Variants in AGBL4 observed in about 807,000 individuals in gnomAD.
AGBL4 encodes AGBL carboxypeptidase 4.
In AGBL4, 58 loss-of-function variants were observed where a neutral mutation model predicts 66.4. That is an observed-to-expected ratio of 0.87 (90% CI 0.71 to 1.09). The LOEUF (loss-of-function observed/expected upper bound fraction) is 1.09. Ranked by LOEUF, AGBL4 falls within the 50% of genes least tolerant of loss-of-function variation. The probability of loss-of-function intolerance (pLI) is 0.00; values close to 1 mark genes in which losing one functional copy is unlikely to be tolerated. For missense variants in AGBL4, 579 were observed against 631.0 expected (o/e 0.92, Z 0.88); for synonymous variants, 234 against 222.9 (o/e 1.05, Z -0.44).
At chr1:49,720,439 T>C (rs1209082789) in intron 2 of AGBL4, among the ~76,000 whole-genome samples, 4 of 152,192 alleles carry the variant, frequency 2.6e-5, no homozygotes, top group Admixed American at 2.6e-4. Flanking sequence ...TTTTAAAAAG[T>C]CCTGTGTCCT....
intron 2 of AGBL4, among the ~76,000 whole-genome samples, chr1:49,818,605 G>T (rs1225433287): frequency 6.6e-6 from 1 of 151,980 alleles, no homozygotes. Context: ...GGGCTCAGGT[G>T]ATCCTCCTGC....
At chr1:49,299,263 TC>T (rs1644700789) in intron 3 of AGBL4, among the ~76,000 whole-genome samples, 1 of 152,070 alleles carries the variant, frequency 6.6e-6, no homozygotes, top group Non-Finnish European at 1.5e-5. Flanking sequence ...GATCTTACTT[TC>T]CCCCCTGTAC....
At chr1:50,021,475 C>T (rs1662436757) in intron 1 of AGBL4, among the ~76,000 whole-genome samples, 1 of 152,092 alleles carries the variant, frequency 6.6e-6, no homozygotes, top group South Asian at 2.1e-4. Flanking sequence ...ATGATCTTTC[C>T]TCTCACACCT....
intron 4 of AGBL4, among the ~76,000 whole-genome samples, chr1:49,161,848 T>C (rs1646548326): frequency 6.6e-6 from 1 of 152,196 alleles, no homozygotes; most frequent in Non-Finnish European, 1.5e-5. Context: ...TAGCAGTCCC[T>C]CTCAGGATCA....
intron 2 of AGBL4, among the ~76,000 whole-genome samples, chr1:49,781,299 C>G (rs946808708): frequency 4.6e-5 from 7 of 151,900 alleles, no homozygotes; most frequent in African/African-American, 1.7e-4. Flanking sequence ...GAGGCTGAGG[C>G]GGAAGGATTG....
At chr1:49,730,720 G>A (rs76805389) in intron 2 of AGBL4, among the ~76,000 whole-genome samples, 3,540 of 152,222 alleles carry the variant, frequency 0.023, 113 homozygotes, top group African/African-American at 0.081. Context: ...ATTTGGGCTG[G>A]TAGCATAAGC....
chr1:49,325,433 C>T (rs1408333556), intron 3 of AGBL4, among the ~76,000 whole-genome samples: 5 of 152,116 alleles, frequency 3.3e-5, no homozygotes, highest in African/African-American at 4.8e-5. Flanking sequence ...CTACCTTTTC[C>T]GCTACCACTG....
chr1:48,789,039 CT>C (rs1645475328), intron 6 of AGBL4, among the ~76,000 whole-genome samples: 1 of 152,262 alleles, frequency 6.6e-6, no homozygotes, highest in East Asian at 1.9e-4. Flanking sequence ...TGATAATAAA[CT>C]TGGAAAGTGA....
intron 11 of AGBL4, among the ~76,000 whole-genome samples, chr1:48,556,248 G>C (rs2148290773): frequency 6.6e-6 from 1 of 152,176 alleles, no homozygotes; most frequent in Admixed American, 6.5e-5. Context: ...CCAATCTTTA[G>C]GACAGAATAT....
intron 7 of AGBL4, 21 bp downstream of exon 7, chr1:48,663,131 C>G: frequency 6.2e-7 from 1 of 1,613,044 alleles, no homozygotes; most frequent in Non-Finnish European, 8.5e-7. Flanking sequence ...TATAGGATAC[C>G]TATGAGATCC....
At chr1:49,082,804 C>A (rs935125256) in intron 4 of AGBL4, among the ~76,000 whole-genome samples, 1 of 152,216 alleles carries the variant, frequency 6.6e-6, no homozygotes, top group African/African-American at 2.4e-5. Flanking sequence ...AACATCTCAT[C>A]TGAAACAAGG....
At chr1:49,718,553 A>C (rs371793200) in intron 2 of AGBL4, among the ~76,000 whole-genome samples, 4 of 152,164 alleles carry the variant, frequency 2.6e-5, no homozygotes, top group African/African-American at 7.2e-5. Flanking sequence ...ATGAAAAGCC[A>C]TAAGAATCTT....
rs959118795 is a variant in AGBL4, at chr1:48,902,683, T to C, written c.595-35453A>G. ...TCCCCTCCATATCCCCATTATCACA[T>C]CCCTGGTTTAGATGGTATCATCTTT... On this transcript the variant is annotated intron_variant, in intron 5 of 13. Transcript: ENST00000371839. 2.6e-5 allele frequency among the ~76,000 whole-genome samples: 4 copies of C among 152,186 alleles called. No homozygotes were observed. In the East Asian group the frequency reaches 5.8e-4, roughly 22 times the overall value.
intron 1 of AGBL4, among the ~76,000 whole-genome samples, chr1:49,945,145 G>A (rs546813403): frequency 6.6e-6 from 1 of 152,158 alleles, no homozygotes; most frequent in East Asian, 1.9e-4. Context: ...CATATTTGGG[G>A]GAATAATTGA....
intron 5 of AGBL4, among the ~76,000 whole-genome samples, chr1:48,929,429 GC>G (rs1178417088): frequency 6.6e-6 from 1 of 151,976 alleles, no homozygotes; most frequent in South Asian, 2.1e-4. Flanking sequence ...CTTCCTTCCT[GC>G]CCCCCTTTTA....
chr1:48,569,508 T>A (rs972526738), intron 11 of AGBL4, among the ~76,000 whole-genome samples: 2 of 152,206 alleles, frequency 1.3e-5, no homozygotes, highest in African/African-American at 4.8e-5. Context: ...CAGAACCTAA[T>A]GGACTGTTTC....
intron 3 of AGBL4, among the ~76,000 whole-genome samples, chr1:49,628,120 A>C (rs182909199): frequency 3.4e-4 from 52 of 152,262 alleles, no homozygotes; most frequent in African/African-American, 9.6e-4. Context: ...ACATGCCAGG[A>C]GCTGTTTCTC....
At chr1:49,157,726 A>G in intron 4 of AGBL4, among the ~76,000 whole-genome samples, 1 of 152,198 alleles carries the variant, frequency 6.6e-6, no homozygotes, top group East Asian at 1.9e-4. Context: ...ATTTCTCCAC[A>G]TCCTCTCCAA....
chr1:48,918,338 T>C (rs1653785628), intron 5 of AGBL4, among the ~76,000 whole-genome samples: 1 of 152,214 alleles, frequency 6.6e-6, no homozygotes, highest in Admixed American at 6.5e-5. Flanking sequence ...TATGACAATG[T>C]TGAGATTTGA....
Sources: gnomAD v4.1 joint callset for allele counts (sites outside exome capture counted in the v4.1 genomes callset) on GRCh38, gnomAD v4.1.1 for gene constraint, MANE v1.5 for transcripts, NCBI Gene and HGNC (gene_info 2026-07-23, HGNC 2026-07-21) for gene names.